BRCC3: variants seen among roughly 807,000 people sequenced by gnomAD.
BRCC3 encodes the protein lys-63-specific deubiquitinase BRCC36.
BRCC3 carries 15 observed loss-of-function variants against 28.0 expected under a neutral mutation model. The ratio of observed to expected loss-of-function variants is 0.54; its 90% confidence interval spans 0.36 to 0.82. The LOEUF is 0.82. Ranked by LOEUF, BRCC3 falls within the 40% of genes least tolerant of loss-of-function variation. The probability of loss-of-function intolerance (pLI) is 0.01; values close to 1 mark genes in which losing one functional copy is unlikely to be tolerated. For synonymous variants in BRCC3, 66 were observed against 80.3 expected, an observed-to-expected ratio of 0.82 and a Z score of 0.95; for missense variants, 109 against 225.9, an observed-to-expected ratio of 0.48 and a Z score of 3.32.
intron 7 of BRCC3, among the ~76,000 whole-genome samples, chrX:155,102,988 C>T (rs886994880): frequency 9.0e-6 from 1 of 110,959 alleles, no homozygotes; most frequent in Non-Finnish European, 1.9e-5. Context: ...CATCTCCAGA[C>T]ACAGCCAAAT....
chrX:155,082,520 A>G (rs189469943), intron 5 of BRCC3, among the ~76,000 whole-genome samples: 105 of 112,304 alleles, frequency 9.3e-4, no homozygotes, highest in Non-Finnish European at 1.5e-3. Flanking sequence ...GAAGAACCAG[A>G]TGCAACAATT....
At chrX:155,095,211 A>C (rs1367218510) in intron 7 of BRCC3, among the ~76,000 whole-genome samples, 1 of 112,318 alleles carries the variant, frequency 8.9e-6, no homozygotes, top group Non-Finnish European at 1.9e-5. Context: ...TTTTAAGCTA[A>C]GTGTTACCAG....
chrX:155,104,847 C>T (rs943666470), intron 7 of BRCC3, among the ~76,000 whole-genome samples: 2 of 112,733 alleles, frequency 1.8e-5, no homozygotes, highest in Non-Finnish European at 3.7e-5. Context: ...AATTAACATG[C>T]AGAATTGCAC....
At chrX:155,074,358 C>G (rs1390042673) in intron 3 of BRCC3, among the ~76,000 whole-genome samples, 1 of 112,244 alleles carries the variant, frequency 8.9e-6, no homozygotes, top group Admixed American at 9.4e-5. Flanking sequence ...ACTCCTTCAC[C>G]TTCCCCAGTC....
intron 3 of BRCC3, among the ~76,000 whole-genome samples, chrX:155,075,552 G>C (rs782352031): frequency 9.0e-6 from 1 of 111,433 alleles, no homozygotes; most frequent in African/African-American, 3.3e-5. Context: ...ACTTAGATCT[G>C]CCTCACACGT....
Position 155,086,764 on chromosome X carries a change from C to T in BRCC3, c.404-2499C>T, listed in dbSNP as rs186256046. Among the ~76,000 whole-genome samples, 40 of 112,081 alleles carry T rather than the reference C, an allele frequency of 3.6e-4. 1 individual carries two copies. In the East Asian group the frequency reaches 9.3e-3, roughly 26 times the overall value. ...ATTACCCTAGTGTTGGCCAAATAAT[C>T]GGCTCTGAAGGTTCACTCCACTTTA... On this transcript the variant is annotated intron_variant, in intron 5 of 10. Coordinates refer to ENST00000330045, the MANE Select transcript of BRCC3 (RefSeq NM_001018055.3).
At chrX:155,087,405 C>T (rs1162505986) in intron 5 of BRCC3, among the ~76,000 whole-genome samples, 7 of 111,724 alleles carry the variant, frequency 6.3e-5, no homozygotes, top group Non-Finnish European at 1.3e-4. Context: ...TTGGCAGGCG[C>T]CAGGGTGGAG....
intron 5 of BRCC3, among the ~76,000 whole-genome samples, chrX:155,081,590 A>C (rs1013154994): frequency 5.3e-5 from 6 of 112,298 alleles, no homozygotes; most frequent in Non-Finnish European, 9.4e-5. Flanking sequence ...ATAAAAACTA[A>C]CTACCTTTAA....
intron 5 of BRCC3, among the ~76,000 whole-genome samples, chrX:155,085,585 A>C (rs1251090553): frequency 8.0e-5 from 9 of 112,684 alleles, no homozygotes; most frequent in Non-Finnish European, 1.9e-5. Flanking sequence ...CAGAAAACAG[A>C]TAAGCGACCT....
intron 3 of BRCC3, among the ~76,000 whole-genome samples, chrX:155,073,790 TCTTCTTA>T (rs1557292979): frequency 6.4e-4 from 71 of 111,030 alleles, no homozygotes; most frequent in African/African-American, 2.2e-3. Flanking sequence ...TGCAGCCCTC[TCTTCTTA>T]AACAGGCAAA....
In BRCC3 at chrX:155,113,244, T is replaced by A. The variant is rs192203851; in HGVS notation, c.549-2813T>A. On this transcript the variant is annotated intron_variant, in intron 7 of 10. Transcript: ENST00000330045. ...CAAAACAAGTTCGAAAAAGAACCAA[T>A]TTGGGCAATTCACACTGCCTGGTTT... 1.0e-4 allele frequency among the ~76,000 whole-genome samples: 11 copies of A among 105,559 alleles called. No homozygotes were observed. The East Asian group carries it at 3.3e-3, about 31-fold the overall frequency. 91.7% of individuals were successfully genotyped at this position (105,559 alleles called of 115,157 possible). A position where few individuals can be genotyped will look rare whatever the true frequency, so the allele number is the denominator to read the frequency against.
intron 1 of BRCC3, among the ~76,000 whole-genome samples, chrX:155,071,989 G>T (rs2073987096): frequency 8.9e-6 from 1 of 111,964 alleles, no homozygotes; most frequent in African/African-American, 3.3e-5. Context: ...GGATGTCCGG[G>T]TATTACGACG....
intron 7 of BRCC3, among the ~76,000 whole-genome samples, chrX:155,105,500 T>C (rs782185195): frequency 1.8e-5 from 2 of 111,843 alleles, no homozygotes; most frequent in East Asian, 5.6e-4. Flanking sequence ...AAAAAGCTTA[T>C]CTTCATGTCA....
In BRCC3 at chrX:155,098,870, G is replaced by C. The variant is rs1445249100; in HGVS notation, c.548+8031G>C. On this transcript the variant is annotated intron_variant, in intron 7 of 10. Coordinates refer to ENST00000330045, the MANE Select transcript of BRCC3 (RefSeq NM_001018055.3). The stretch of plus-strand genomic sequence containing the variant: ...GTTTTGATTATTGATATCTGAGAGA[G>C]ATGTGTATGTATAAACTTCCCATCC... Among the ~76,000 whole-genome samples, 6 of 112,304 alleles carry C rather than the reference G, an allele frequency of 5.3e-5. No homozygotes were observed. The Admixed American group carries it at 5.6e-4, about 11-fold the overall frequency.
At chrX:155,095,743 A>G (rs2074205522) in intron 7 of BRCC3, among the ~76,000 whole-genome samples, 1 of 111,466 alleles carries the variant, frequency 9.0e-6, no homozygotes, top group Non-Finnish European at 1.9e-5. Context: ...AGTCCTGCAA[A>G]CTCCATTCAT....
chrX:155,079,053 C>G (rs2074066520), intron 5 of BRCC3: 1 of 140,045 alleles, frequency 7.1e-6, no homozygotes, highest in African/African-American at 3.2e-5. Flanking sequence ...TCCATTGGGG[C>G]TCTCAATATA....
intron 7 of BRCC3, among the ~76,000 whole-genome samples, chrX:155,111,747 CAG>C (rs1341454665): frequency 1.0e-5 from 1 of 100,131 alleles, no homozygotes; most frequent in Non-Finnish European, 2.0e-5. Flanking sequence ...AAAGGAAAAA[CAG>C]ATAAATTGGA....
intron 5 of BRCC3, among the ~76,000 whole-genome samples, chrX:155,086,369 G>A (rs782521685): frequency 1.8e-5 from 2 of 111,215 alleles, no homozygotes; most frequent in African/African-American, 6.5e-5. Context: ...TCCTCCCTCC[G>A]TCCCTCCCTC....
chrX:155,075,318 A>ATT (rs2074028901), intron 3 of BRCC3, among the ~76,000 whole-genome samples: 3 of 52,570 alleles, frequency 5.7e-5, no homozygotes, highest in Non-Finnish European at 8.6e-5. Flanking sequence ...TCTTCCCCAC[A>ATT]CTAAATGTGG....
Sources: allele counts gnomAD v4.1 joint callset (sites outside exome capture counted in the v4.1 genomes callset), GRCh38; gene constraint gnomAD v4.1.1; transcripts MANE v1.5; gene names NCBI Gene and HGNC (gene_info 2026-07-23, HGNC 2026-07-21).